The following BMAL1 variants were observed in gnomAD, a reference collection of about 807,000 sequenced individuals.
The protein encoded by BMAL1 is basic helix-loop-helix ARNT-like protein 1.
the BMAL1 span, among the ~76,000 whole-genome samples, chr11:13,359,544 A>G: frequency 2.0e-5 from 3 of 152,228 alleles, no homozygotes; most frequent in African/African-American, 7.2e-5. Flanking sequence ...GCAAATCTCA[A>G]GTTACAGTAA....
the BMAL1 span, among the ~76,000 whole-genome samples, chr11:13,349,501 C>T: frequency 3.3e-5 from 5 of 152,302 alleles, no homozygotes; most frequent in Non-Finnish European, 7.3e-5. Context: ...GTATCTCCCT[C>T]ATAGAGTTAC....
chr11:13,297,972 C>G, the BMAL1 span, among the ~76,000 whole-genome samples: 1 of 152,198 alleles, frequency 6.6e-6, no homozygotes, highest in Non-Finnish European at 1.5e-5. Context: ...CAGATCAGGG[C>G]AGGCCTCTGC....
At chr11:13,386,897 C>A in the BMAL1 span, 1 of 953,692 alleles carries the variant, frequency 1.0e-6, no homozygotes, top group Non-Finnish European at 1.5e-6. Flanking sequence ...GCCATTGATA[C>A]AAGTCAATCT....
At chr11:13,374,267 G>C in the BMAL1 span, 10 of 1,425,456 alleles carry the variant, frequency 7.0e-6, no homozygotes, top group South Asian at 1.2e-4. Context: ...TAGTCAACAT[G>C]ACCTTCCAGG....
the BMAL1 span, chr11:13,355,353 G>A: frequency 1.1e-5 from 17 of 1,494,528 alleles, no homozygotes; most frequent in East Asian, 3.8e-4. Flanking sequence ...GAGTGGGTAT[G>A]AGGGCTGTGA....
chr11:13,385,811 G>C, the BMAL1 span: 2 of 1,569,152 alleles, frequency 1.3e-6, no homozygotes, highest in African/African-American at 1.4e-5. Flanking sequence ...ATCATTATTC[G>C]TTTCCATTGC....
chr11:13,357,743 G>A, the BMAL1 span, among the ~76,000 whole-genome samples: 143 of 152,306 alleles, frequency 9.4e-4, no homozygotes, highest in African/African-American at 3.3e-3. This position sits in a 1 kb window ranked among gnomAD's most constrained non-coding sequence, Gnocchi z 4.8. Context: ...CTGTATCTGC[G>A]GCAGCTGCAG....
At chr11:13,373,200 C>T in the BMAL1 span, among the ~76,000 whole-genome samples, 2 of 152,154 alleles carry the variant, frequency 1.3e-5, no homozygotes, top group Non-Finnish European at 1.5e-5. Flanking sequence ...GGATGAAGAA[C>T]AGAGGCCAGC....
At chr11:13,338,846 G>T in the BMAL1 span, among the ~76,000 whole-genome samples, 1 of 152,248 alleles carries the variant, frequency 6.6e-6, no homozygotes, top group African/African-American at 2.4e-5. Flanking sequence ...ACCATCCTAG[G>T]CACGTGTTTG....
the BMAL1 span, among the ~76,000 whole-genome samples, chr11:13,333,148 G>A: frequency 4.3e-4 from 65 of 152,034 alleles, no homozygotes; most frequent in Non-Finnish European, 7.4e-4. Flanking sequence ...TGGATTTTTA[G>A]TAGAGACGGG....
the BMAL1 span, among the ~76,000 whole-genome samples, chr11:13,293,699 C>G: frequency 6.6e-6 from 1 of 152,268 alleles, no homozygotes. Flanking sequence ...AACACATGGG[C>G]AGACGCCTGC....
the BMAL1 span, among the ~76,000 whole-genome samples, chr11:13,329,610 G>A: frequency 6.6e-6 from 1 of 152,214 alleles, no homozygotes; most frequent in Non-Finnish European, 1.5e-5. Context: ...TTCTCTCAGC[G>A]AGAATGTGGC....
At chr11:13,287,908 C>G in the BMAL1 span, among the ~76,000 whole-genome samples, 3 of 152,278 alleles carry the variant, frequency 2.0e-5, no homozygotes, top group Non-Finnish European at 2.9e-5. Context: ...TGTTACTAGA[C>G]CCAAAGGAAG....
the BMAL1 span, chr11:13,356,633 T>C: frequency 2.2e-6 from 3 of 1,370,020 alleles, no homozygotes; most frequent in South Asian, 1.3e-5. Context: ...GTTCGAACTT[T>C]ATGATTGTTT....
At chr11:13,352,052 G>A in the BMAL1 span, among the ~76,000 whole-genome samples, 1 of 152,122 alleles carries the variant, frequency 6.6e-6, no homozygotes, top group East Asian at 1.9e-4. Flanking sequence ...TGGGGTGAGG[G>A]TTCTGAAATG....
At chr11:13,281,429 C>T in the BMAL1 span, among the ~76,000 whole-genome samples, 1 of 152,234 alleles carries the variant, frequency 6.6e-6, no homozygotes, top group Non-Finnish European at 1.5e-5. Context: ...TATATTTCTT[C>T]TCAAAGTTTT....
chr11:13,368,160 C>T, the BMAL1 span, among the ~76,000 whole-genome samples: 1 of 152,284 alleles, frequency 6.6e-6, no homozygotes, highest in African/African-American at 2.4e-5. Flanking sequence ...CTTTGAGGCT[C>T]TTAGCATATA....
At chr11:13,360,230 T>G in the BMAL1 span, 4 of 858,480 alleles carry the variant, frequency 4.7e-6, no homozygotes, top group Non-Finnish European at 7.3e-6. Flanking sequence ...AACAATAAAA[T>G]TTAAATACCA....
At chr11:13,301,684 A>G in the BMAL1 span, among the ~76,000 whole-genome samples, 8 of 152,186 alleles carry the variant, frequency 5.3e-5, no homozygotes, top group African/African-American at 1.4e-4. Context: ...ACATGGGGCA[A>G]TGTTTGGGAT....
Sources: allele counts gnomAD v4.1 joint callset (sites outside exome capture counted in the v4.1 genomes callset), GRCh38; gene constraint gnomAD v4.1.1; non-coding constraint Gnocchi (gnomAD v3.1); transcripts MANE v1.5; gene names NCBI Gene and HGNC (gene_info 2026-07-23, HGNC 2026-07-21).